QTMAN: variants seen among roughly 807,000 people sequenced by gnomAD.
QTMAN encodes queuosine-tRNA mannosyltransferase, also known as tRNA-queuosine alpha-mannosyltransferase.
At chr2:144,050,468 G>A in the QTMAN span, among the ~76,000 whole-genome samples, 1 of 152,116 alleles carries the variant, frequency 6.6e-6, no homozygotes. Context: ...CTACTTGGTG[G>A]GGCTGGTGTA....
the QTMAN span, among the ~76,000 whole-genome samples, chr2:144,183,063 G>C: frequency 6.7e-6 from 1 of 149,206 alleles, no homozygotes; most frequent in African/African-American, 2.5e-5. Flanking sequence ...AGAAGCCTAA[G>C]AAAAATTAGT....
chr2:144,306,641 C>T, the QTMAN span, among the ~76,000 whole-genome samples: 2 of 152,024 alleles, frequency 1.3e-5, no homozygotes, highest in African/African-American at 4.8e-5. Context: ...GGAACACACA[C>T]AGTCCATAAG....
At chr2:144,038,690 A>AT in the QTMAN span, among the ~76,000 whole-genome samples, 9 of 152,136 alleles carry the variant, frequency 5.9e-5, no homozygotes, top group African/African-American at 2.2e-4. Flanking sequence ...ACAAAATCTT[A>AT]TTTTTTTCCT....
At chr2:143,947,672 T>C in the QTMAN span, among the ~76,000 whole-genome samples, 1 of 152,220 alleles carries the variant, frequency 6.6e-6, no homozygotes, top group Non-Finnish European at 1.5e-5. Context: ...CTTCCAGGTT[T>C]ACAGATGAAT....
the QTMAN span, among the ~76,000 whole-genome samples, chr2:144,119,769 T>C: frequency 6.6e-6 from 1 of 152,098 alleles, no homozygotes; most frequent in Non-Finnish European, 1.5e-5. Flanking sequence ...TAAAGCTGAG[T>C]GCTCTTGCTG....
At chr2:143,991,898 C>A in the QTMAN span, among the ~76,000 whole-genome samples, 8 of 141,644 alleles carry the variant, frequency 5.6e-5, no homozygotes, top group Admixed American at 5.5e-4. Context: ...CCACCCCGTC[C>A]GGGAGGGAGG....
chr2:143,960,245 C>G, the QTMAN span, among the ~76,000 whole-genome samples: 2 of 151,980 alleles, frequency 1.3e-5, no homozygotes, highest in Non-Finnish European at 2.9e-5. Flanking sequence ...AAAATGCCAA[C>G]AAAATCTCAT....
the QTMAN span, among the ~76,000 whole-genome samples, chr2:144,168,004 T>C: frequency 1.3e-5 from 2 of 152,206 alleles, no homozygotes; most frequent in Non-Finnish European, 2.9e-5. Flanking sequence ...AACTCCTTTC[T>C]AACATATTGC....
the QTMAN span, chr2:144,007,593 C>A: frequency 1.8e-6 from 2 of 1,098,982 alleles, no homozygotes; most frequent in Non-Finnish European, 2.6e-6. Context: ...TAAAATTTGT[C>A]CTTTACCTTC....
the QTMAN span, among the ~76,000 whole-genome samples, chr2:144,316,649 G>C: frequency 9.8e-5 from 15 of 152,286 alleles, no homozygotes; most frequent in East Asian, 2.5e-3. Context: ...TTAGATGGTT[G>C]AGTTCTAGTG....
At chr2:144,117,946 C>T in the QTMAN span, among the ~76,000 whole-genome samples, 1 of 151,810 alleles carries the variant, frequency 6.6e-6, no homozygotes, top group African/African-American at 2.4e-5. Context: ...CCTGGGTTCA[C>T]ACCATTCTCC....
At chr2:144,011,745 G>T in the QTMAN span, 6 of 984,730 alleles carry the variant, frequency 6.1e-6, no homozygotes, top group Non-Finnish European at 7.2e-6. Flanking sequence ...ATTCAATGAC[G>T]TGACTATGCA....
the QTMAN span, among the ~76,000 whole-genome samples, chr2:144,034,733 AAT>A: frequency 6.6e-6 from 1 of 152,174 alleles, no homozygotes; most frequent in Non-Finnish European, 1.5e-5. Flanking sequence ...AATTAAAGTC[AAT>A]GTCAGTTTGA....
the QTMAN span, among the ~76,000 whole-genome samples, chr2:144,281,407 A>C: frequency 6.6e-6 from 1 of 151,150 alleles, no homozygotes; most frequent in Non-Finnish European, 1.5e-5. Context: ...AAAAAAAAAA[A>C]AAAAAAAAAA....
the QTMAN span, among the ~76,000 whole-genome samples, chr2:143,989,666 T>C: frequency 6.6e-6 from 1 of 152,140 alleles, no homozygotes; most frequent in Admixed American, 6.5e-5. Context: ...CATGCATATA[T>C]ACATATATAT....
chr2:144,019,042 G>A, the QTMAN span, among the ~76,000 whole-genome samples: 2 of 152,190 alleles, frequency 1.3e-5, no homozygotes, highest in African/African-American at 4.8e-5. Context: ...CATGGCCAGA[G>A]CATTGACTGG....
chr2:143,994,503 G>A, the QTMAN span, among the ~76,000 whole-genome samples: 1 of 152,146 alleles, frequency 6.6e-6, no homozygotes, highest in African/African-American at 2.4e-5. Flanking sequence ...TCCATCATAT[G>A]ACAAATGAAT....
chr2:144,183,423 A>G, the QTMAN span, among the ~76,000 whole-genome samples: 1 of 152,058 alleles, frequency 6.6e-6, no homozygotes, highest in Non-Finnish European at 1.5e-5. Context: ...GCCCACTACT[A>G]TGCCATTTCT....
chr2:144,185,491 G>A, the QTMAN span, among the ~76,000 whole-genome samples: 1 of 152,154 alleles, frequency 6.6e-6, no homozygotes, highest in South Asian at 2.1e-4. Flanking sequence ...TGATGCACTT[G>A]TTATTTTGAA....
Sources: gnomAD v4.1 joint callset for allele counts (sites outside exome capture counted in the v4.1 genomes callset) on GRCh38, gnomAD v4.1.1 for gene constraint, MANE v1.5 for transcripts, NCBI Gene and HGNC (gene_info 2026-07-23, HGNC 2026-07-21) for gene names.